Variants in IGF1R observed in about 807,000 individuals in gnomAD.
IGF1R encodes the protein insulin-like growth factor 1 receptor.
Under a neutral mutation model 144.6 loss-of-function variants are expected in IGF1R, and 44 were observed. The ratio of observed to expected loss-of-function variants is 0.30; its 90% CI spans 0.24 to 0.39. IGF1R has a LOEUF of 0.39. Among genes scored for constraint, IGF1R ranks in the 10% least tolerant of loss-of-function variants. IGF1R has a pLI of 1.00. For synonymous variants in IGF1R, 795 were observed against 722.8 expected (o/e 1.10, Z -1.60); for missense variants, 1,355 against 1,833.7 (o/e 0.74, Z 4.77).
chr15:98,747,563 C>T (rs998392852), intron 2 of IGF1R, among the ~76,000 whole-genome samples: 1 of 152,146 alleles, frequency 6.6e-6, no homozygotes, highest in Non-Finnish European at 1.5e-5. Context: ...GGTTATTTTG[C>T]ATCTTAGATT....
chr15:98,724,473 A>C (rs2054314626), intron 2 of IGF1R, among the ~76,000 whole-genome samples: 2 of 152,210 alleles, frequency 1.3e-5, no homozygotes, highest in South Asian at 4.1e-4. Flanking sequence ...GAGAGCTCTC[A>C]TGGATCTGCC....
chr15:98,651,537 A>G (rs2052367519), intron 1 of IGF1R, among the ~76,000 whole-genome samples: 1 of 152,260 alleles, frequency 6.6e-6, no homozygotes, highest in Non-Finnish European at 1.5e-5. Context: ...GTTGAACTGT[A>G]TAGCTTCTCT....
At chr15:98,676,611 G>A (rs928585379) in intron 1 of IGF1R, among the ~76,000 whole-genome samples, 14 of 152,220 alleles carry the variant, frequency 9.2e-5, no homozygotes, top group Non-Finnish European at 1.3e-4. Context: ...AACTTTGTGT[G>A]TGTGTATGTT....
At chr15:98,812,721 A>G (rs1218091261) in intron 2 of IGF1R, among the ~76,000 whole-genome samples, 2 of 152,088 alleles carry the variant, frequency 1.3e-5, no homozygotes, top group Non-Finnish European at 2.9e-5. Flanking sequence ...TGACCTTTTT[A>G]TGTTGTATTT....
chr15:98,943,121 C>A, intron 19 of IGF1R, 69 bp downstream of exon 19: 1 of 1,554,344 alleles, frequency 6.4e-7, no homozygotes, highest in Non-Finnish European at 8.9e-7. Flanking sequence ...AGCTCAGTCT[C>A]TAGGGCTTTA....
In IGF1R at chr15:98,960,411, G is replaced by A. The variant is rs2017176932; in HGVS notation, c.*2969G>A. On this transcript the variant is annotated 3_prime_UTR_variant, in exon 21 of 21. Transcript: ENST00000650285. ...AGAGCACACCTGGGGGAGCCACCAG[G>A]CTGTCCCTGGCTGGTTGTCTTTGGA... 1 of 233,330 alleles carries A rather than the reference G, an allele frequency of 4.3e-6. No individual in the cohort carries two copies. The highest frequency in any genetic ancestry group is 8.5e-6 in the Non-Finnish European group (1 of 118,058). 14.5% of individuals were successfully genotyped at this position (233,330 alleles called of 1,614,324 possible).
intron 2 of IGF1R, among the ~76,000 whole-genome samples, chr15:98,776,995 G>A (rs924018791): frequency 1.3e-5 from 2 of 152,224 alleles, no homozygotes; most frequent in African/African-American, 2.4e-5. Context: ...GTGACCTTGT[G>A]TGGTTTCTGG....
At chr15:98,909,850 A>G (rs1169132935) in intron 6 of IGF1R, among the ~76,000 whole-genome samples, 3 of 152,258 alleles carry the variant, frequency 2.0e-5, no homozygotes, top group African/African-American at 7.2e-5. Context: ...TATCAGAGAT[A>G]CAGCAGTGCC....
In IGF1R at chr15:98,958,357, C is replaced by G. The variant is rs935148227; in HGVS notation, c.*915C>G. Reference sequence around the variant, plus strand: ...GGCCATGGGCCCCGAAGCAGCCTGGCGGACAGGCTTGGAGTCAAGGGGCCC... The same window carrying G: ...GGCCATGGGCCCCGAAGCAGCCTGGGGGACAGGCTTGGAGTCAAGGGGCCC... On this transcript the variant is annotated 3_prime_UTR_variant, in exon 21 of 21. Transcript: ENST00000650285. The G allele has an allele frequency of 4.6e-6, 1 of 217,174 alleles. No homozygotes were observed. Among genetic ancestry groups the G allele is most frequent in the South Asian group, 1.9e-4 (1 of 5,346 alleles). The allele number at this position is 217,174 out of a possible 1,614,324, so 13.5% of individuals were successfully genotyped here.
At chr15:98,842,955 G>A (rs2011201058) in intron 2 of IGF1R, among the ~76,000 whole-genome samples, 1 of 152,180 alleles carries the variant, frequency 6.6e-6, no homozygotes, top group South Asian at 2.1e-4. Context: ...TTTGCTGTTA[G>A]CAAATAAATG....
chr15:98,820,631 C>G (rs1567145346), intron 2 of IGF1R, among the ~76,000 whole-genome samples: 1 of 152,188 alleles, frequency 6.6e-6, no homozygotes, highest in South Asian at 2.1e-4. Context: ...TACTTAAATA[C>G]CTACAGCCTT....
intron 1 of IGF1R, among the ~76,000 whole-genome samples, chr15:98,685,557 C>T (rs942963105): frequency 9.9e-5 from 15 of 152,282 alleles, no homozygotes; most frequent in Middle Eastern, 3.4e-3. Flanking sequence ...TGTGTCCCTT[C>T]GGTATCTTCC....
In IGF1R at chr15:98,959,870, G is replaced by A. The variant is rs1057451799; in HGVS notation, c.*2428G>A. ...TGTTCCCTTTAAAAAAAAAAAAAAG[G>A]TATTATATGTAGGAGTTTTCTTTTA... On this transcript the variant is annotated 3_prime_UTR_variant, in exon 21 of 21. Transcript: ENST00000650285. 2 of 228,808 alleles carry A rather than the reference G, an allele frequency of 8.7e-6. No homozygotes were observed. 14.2% of individuals were successfully genotyped at this position (228,808 alleles called of 1,614,324 possible). A position where few individuals can be genotyped will look rare whatever the true frequency, so the allele number is the denominator to read the frequency against.
intron 1 of IGF1R, chr15:98,651,179 C>G: frequency 1.9e-6 from 1 of 520,556 alleles, no homozygotes; most frequent in Non-Finnish European, 2.5e-6. Context: ...GAGGAGGCAG[C>G]GGAGGTTGTA....
At chr15:98,840,654 G>A (rs1041390255) in intron 2 of IGF1R, among the ~76,000 whole-genome samples, 8 of 150,920 alleles carry the variant, frequency 5.3e-5, no homozygotes, top group Non-Finnish European at 1.0e-4. Context: ...TGTTGTCCAG[G>A]CGGGGTTTTT....
intron 2 of IGF1R, among the ~76,000 whole-genome samples, chr15:98,850,290 A>G (rs1419642464): frequency 6.6e-6 from 1 of 152,208 alleles, no homozygotes; most frequent in Non-Finnish European, 1.5e-5. Flanking sequence ...GAAGGTTGAG[A>G]AGGAGCCAGC....
At chr15:98,754,851 T>C (rs989038526) in intron 2 of IGF1R, among the ~76,000 whole-genome samples, 11 of 152,208 alleles carry the variant, frequency 7.2e-5, no homozygotes, top group Non-Finnish European at 1.3e-4. Flanking sequence ...TGCTACTCAA[T>C]GAGGTCAGGA....
chr15:98,664,784 A>G (rs192476599), intron 1 of IGF1R, among the ~76,000 whole-genome samples: 1 of 151,530 alleles, frequency 6.6e-6, no homozygotes, highest in East Asian at 1.9e-4. Context: ...CCTAGGGTTT[A>G]TAAACACTAG....
chr15:98,650,568 G>C (rs1353161901), intron 1 of IGF1R, among the ~76,000 whole-genome samples: 1 of 152,224 alleles, frequency 6.6e-6, no homozygotes, highest in Non-Finnish European at 1.5e-5. Context: ...GTGGGTGTGT[G>C]GTCGGAGCCG....
Sources: allele counts gnomAD v4.1 joint callset (sites outside exome capture counted in the v4.1 genomes callset), GRCh38; gene constraint gnomAD v4.1.1; transcripts MANE v1.5; gene names NCBI Gene and HGNC (gene_info 2026-07-23, HGNC 2026-07-21).